KCNIP1: variants seen among roughly 807,000 people sequenced by gnomAD.
KCNIP1 encodes A-type potassium channel modulatory protein KCNIP1.
A neutral mutation model predicts 33.0 loss-of-function variants in KCNIP1; 18 were observed. That is an observed-to-expected ratio of 0.55 (90% CI 0.38 to 0.81). The LOEUF (loss-of-function observed/expected upper bound fraction) is 0.81, where lower values mean the gene tolerates loss of function less well. KCNIP1 is among the 30% of genes least tolerant of loss of function. KCNIP1 has a pLI of 0.00. For synonymous variants in KCNIP1, 93 were observed against 98.3 expected (o/e 0.95, Z 0.32); for missense variants, 238 against 271.6 (o/e 0.88, Z 0.87).
At chr5:170,697,534 T>C (rs916022776) in intron 1 of KCNIP1, among the ~76,000 whole-genome samples, 2 of 152,130 alleles carry the variant, frequency 1.3e-5, no homozygotes, top group Non-Finnish European at 2.9e-5. Flanking sequence ...GAAGAGATGG[T>C]GAGTACATGA....
rs531165829 is a variant in KCNIP1 at position 170,577,294 on chromosome 5, A to G, written c.61+72661A>G. On this transcript the variant is annotated intron_variant, in intron 1 of 7. Coordinates refer to ENST00000328939, the MANE Select transcript of KCNIP1 (RefSeq NM_014592.4). ...TCGGTTCTGAAGGGAACTGAAGAAC[A>G]ACATGGTAAAATAAAGCAAACAGCA... Among the ~76,000 whole-genome samples the G allele has an allele frequency of 1.1e-3, 165 of 152,376 alleles. 3 individuals are homozygous for G. The highest frequency in any genetic ancestry group is 1.2e-4 in the Non-Finnish European group (8 of 68,042).
chr5:170,601,446 G>A (rs752637923), intron 1 of KCNIP1, among the ~76,000 whole-genome samples: 3 of 152,194 alleles, frequency 2.0e-5, no homozygotes, highest in African/African-American at 4.8e-5. Context: ...GCTTTGTCCC[G>A]AAAACCCAGG....
At chr5:170,680,323 C>T (rs1031783360) in intron 1 of KCNIP1, among the ~76,000 whole-genome samples, 3 of 152,114 alleles carry the variant, frequency 2.0e-5, no homozygotes, top group Non-Finnish European at 2.9e-5. Flanking sequence ...CCACAGAGCC[C>T]AAAAGTTTAG....
At chr5:170,597,794 T>A (rs1273356912) in intron 1 of KCNIP1, among the ~76,000 whole-genome samples, 2 of 12,224 alleles carry the variant, frequency 1.6e-4, no homozygotes, top group African/African-American at 6.8e-4. Context: ...AATATATATA[T>A]ATATATATAT....
intron 1 of KCNIP1, among the ~76,000 whole-genome samples, chr5:170,454,963 C>T (rs1371449941): frequency 6.6e-6 from 1 of 151,948 alleles, no homozygotes; most frequent in Admixed American, 6.6e-5. Flanking sequence ...AATGTTAATA[C>T]AGATAGAAAG....
At chr5:170,423,657 T>C (rs314162) in intron 1 of KCNIP1, among the ~76,000 whole-genome samples, 112,748 of 152,138 alleles carry the variant, frequency 0.74, 42,884 homozygotes, top group African/African-American at 0.93. Flanking sequence ...GCTCACAGCA[T>C]ATTGGAAAAA....
At chr5:170,473,502 T>A (rs1440323367) in intron 1 of KCNIP1, among the ~76,000 whole-genome samples, 1 of 152,102 alleles carries the variant, frequency 6.6e-6, no homozygotes, top group Admixed American at 6.5e-5. Flanking sequence ...TTCTTACCAA[T>A]AAAGTCATCA....
At chr5:170,355,309 T>C (rs1467542225) in intron 1 of KCNIP1, among the ~76,000 whole-genome samples, 1 of 152,186 alleles carries the variant, frequency 6.6e-6, no homozygotes, top group Non-Finnish European at 1.5e-5. Context: ...TTGCTCTCAG[T>C]GGCTTTACCT....
At chr5:170,363,387 G>A (rs763976740) in intron 1 of KCNIP1, among the ~76,000 whole-genome samples, 24 of 152,120 alleles carry the variant, frequency 1.6e-4, no homozygotes, top group Non-Finnish European at 2.6e-4. Flanking sequence ...GTTAAATGAG[G>A]TCATAAGGTT....
At chr5:170,421,033 A>C (rs76120572) in intron 1 of KCNIP1, among the ~76,000 whole-genome samples, 1 of 152,106 alleles carries the variant, frequency 6.6e-6, no homozygotes, top group East Asian at 1.9e-4. Context: ...TCCTTGCTTG[A>C]AAAACCACCT....
At chr5:170,638,974 G>A (rs1258730251) in intron 1 of KCNIP1, among the ~76,000 whole-genome samples, 1 of 152,192 alleles carries the variant, frequency 6.6e-6, no homozygotes, top group Non-Finnish European at 1.5e-5. Context: ...CAATTCCTCC[G>A]CAGCAGGAGC....
chr5:170,485,615 G>A (rs932484882), intron 1 of KCNIP1, among the ~76,000 whole-genome samples: 4 of 152,198 alleles, frequency 2.6e-5, no homozygotes, highest in Admixed American at 6.5e-5. Context: ...CCCACCCTCC[G>A]CCTCTCAGGG....
At chr5:170,723,970 C>A (rs942232512) in intron 5 of KCNIP1, among the ~76,000 whole-genome samples, 1 of 152,158 alleles carries the variant, frequency 6.6e-6, no homozygotes, top group Non-Finnish European at 1.5e-5. Flanking sequence ...AAGACTAGTG[C>A]AGGATGAGCC....
At chr5:170,618,117 C>T (rs146859158) in intron 1 of KCNIP1, among the ~76,000 whole-genome samples, 1,807 of 152,238 alleles carry the variant, frequency 0.012, 22 homozygotes, top group Admixed American at 0.035. Context: ...ACATAAGTGT[C>T]CTTGGCAATT....
At chr5:170,635,202 G>T (rs929136458) in intron 1 of KCNIP1, among the ~76,000 whole-genome samples, 1 of 152,070 alleles carries the variant, frequency 6.6e-6, no homozygotes, top group African/African-American at 2.4e-5. Context: ...GCTAATTTTT[G>T]TATTTTTAGT....
intron 1 of KCNIP1, among the ~76,000 whole-genome samples, chr5:170,575,430 G>T (rs1757566618): frequency 6.6e-6 from 1 of 152,172 alleles, no homozygotes; most frequent in Non-Finnish European, 1.5e-5. Context: ...GCTGTTCAAA[G>T]TTGCCACCTG....
intron 1 of KCNIP1, among the ~76,000 whole-genome samples, chr5:170,493,663 G>A (rs1173510502): frequency 6.6e-6 from 1 of 152,222 alleles, no homozygotes; most frequent in Non-Finnish European, 1.5e-5. Context: ...GGTTAAGGAA[G>A]AGGACACTGA....
rs1024056325 is a variant in KCNIP1 at position 170,508,956 on chromosome 5, C to T, written c.61+4323C>T. Reference sequence around the variant, plus strand: ...GTCAGGGTTCTTGGGGGTAGGAGCTCGTCTAACTCATCCTTCACAACTCTC... The same window carrying T: ...GTCAGGGTTCTTGGGGGTAGGAGCTTGTCTAACTCATCCTTCACAACTCTC... On this transcript the variant is annotated intron_variant, in intron 1 of 7. Transcript: ENST00000328939. Among the ~76,000 whole-genome samples, 9 of 152,210 alleles carry T rather than the reference C, an allele frequency of 5.9e-5. 1 individual carries two copies. The highest frequency in any genetic ancestry group is 3.4e-3 in the Middle Eastern group (1 of 294).
Position 170,390,511 on chromosome 5 carries a change from A to T in KCNIP1, c.88+36547A>T, listed in dbSNP as rs1294308394. ...GAGCGAGACCCCGTCTCAAAAAAAA[A>T]AAACAAATATATATATATATATATA... On this transcript the variant is annotated intron_variant, in intron 1 of 7. Coordinates refer to the KCNIP1 transcript ENST00000377360. Among the ~76,000 whole-genome samples, 42 of 62,348 alleles carry T rather than the reference A, an allele frequency of 6.7e-4. 1 individual carries two copies. The highest frequency in any genetic ancestry group is 7.8e-4 in the Admixed American group (4 of 5,128). 40.9% of individuals were successfully genotyped at this position (62,348 alleles called of 152,430 possible). A position where few individuals can be genotyped will look rare whatever the true frequency, so the allele number is the denominator to read the frequency against.
Sources: allele counts gnomAD v4.1 joint callset (sites outside exome capture counted in the v4.1 genomes callset), GRCh38; gene constraint gnomAD v4.1.1; transcripts MANE v1.5; gene names NCBI Gene and HGNC (gene_info 2026-07-23, HGNC 2026-07-21).